Variants in MYO3B observed in about 807,000 individuals in gnomAD.
The protein encoded by MYO3B is myosin-IIIb.
A neutral mutation model predicts 174.6 loss-of-function variants in MYO3B; 156 were observed. That is an observed-to-expected ratio of 0.89 (90% CI 0.78 to 1.02). The LOEUF is 1.02. MYO3B is among the 50% of genes least tolerant of loss of function. The pLI, the probability that MYO3B is intolerant of heterozygous loss-of-function variation, is 0.00. For missense variants in MYO3B, 1,632 were observed against 1,639.4 expected, an observed-to-expected ratio of 1.00 and a Z score of 0.08; for synonymous variants, 563 against 569.1, an observed-to-expected ratio of 0.99 and a Z score of 0.15.
intron 25 of MYO3B, among the ~76,000 whole-genome samples, chr2:170,473,745 A>G (rs944318447): frequency 1.4e-4 from 21 of 152,320 alleles, no homozygotes; most frequent in African/African-American, 4.8e-4. Context: ...TCCCTTCTCT[A>G]TAACAAAAAT....
chr2:170,252,207 G>A (rs78134221), intron 7 of MYO3B, among the ~76,000 whole-genome samples: 171 of 152,210 alleles, frequency 1.1e-3, no homozygotes, highest in Non-Finnish European at 2.0e-3. Context: ...CAGTTCACAT[G>A]TTATCACTTC....
At chr2:170,295,125 A>G (rs1389924722) in intron 7 of MYO3B, among the ~76,000 whole-genome samples, 1 of 151,684 alleles carries the variant, frequency 6.6e-6, no homozygotes, top group Non-Finnish European at 1.5e-5. Flanking sequence ...TATTTGTCTT[A>G]TATCTTATTA....
intron 22 of MYO3B, among the ~76,000 whole-genome samples, chr2:170,413,754 C>T (rs1472703794): frequency 6.6e-6 from 1 of 151,208 alleles, no homozygotes; most frequent in African/African-American, 2.4e-5. Flanking sequence ...AATAACTATC[C>T]TTAGGCCGGG....
intron 7 of MYO3B, among the ~76,000 whole-genome samples, chr2:170,258,728 G>A (rs956126654): frequency 6.6e-6 from 1 of 152,030 alleles, no homozygotes; most frequent in Non-Finnish European, 1.5e-5. Flanking sequence ...AGGAGAAAAC[G>A]AAATAAAAGG....
intron 32 of MYO3B, chr2:170,640,682 T>C (rs1213028229): frequency 1.3e-5 from 2 of 152,232 alleles, no homozygotes. Context: ...TAGTATGTCT[T>C]AAATTCCTCT....
At chr2:170,579,045 C>T (rs1398523916) in intron 32 of MYO3B, among the ~76,000 whole-genome samples, 1 of 152,090 alleles carries the variant, frequency 6.6e-6, no homozygotes, top group East Asian at 1.9e-4. Flanking sequence ...GTGCACATCG[C>T]CATAGAAACA....
rs1276332978 is a variant in MYO3B, at chr2:170,265,554, GC to G, written c.749+29419del. ...CAGGCTAGGTCAGGGCATGTGGCAG[GC>G]ATGGGCCAAGACACAAAGTTGTTGT... On this transcript the variant is annotated intron_variant, in intron 7 of 34. Transcript: ENST00000408978. Among the ~76,000 whole-genome samples, 3 of 152,324 alleles carry G rather than the reference GC, an allele frequency of 2.0e-5. No individual in the cohort carries two copies. In the East Asian group the frequency reaches 5.8e-4, roughly 29 times the overall value.
chr2:170,524,253 G>A (rs1688863400), intron 30 of MYO3B, among the ~76,000 whole-genome samples: 1 of 152,158 alleles, frequency 6.6e-6, no homozygotes, highest in South Asian at 2.1e-4. Flanking sequence ...TGAACCTGGG[G>A]AAAGCTAAGG....
chr2:170,461,202 A>C (rs1684257669), intron 23 of MYO3B, among the ~76,000 whole-genome samples: 1 of 152,066 alleles, frequency 6.6e-6, no homozygotes, highest in South Asian at 2.1e-4. Context: ...AGGCCGGGTG[A>C]GGTGACTCAC....
At chr2:170,568,943 ATG>A (rs1692245084) in intron 32 of MYO3B, among the ~76,000 whole-genome samples, 1 of 152,186 alleles carries the variant, frequency 6.6e-6, no homozygotes, top group Non-Finnish European at 1.5e-5. Flanking sequence ...ACTTGGTGAC[ATG>A]TGTGTCCTAT....
intron 19 of MYO3B, 118 bp downstream of exon 19, chr2:170,403,113 G>A (rs563897470): frequency 1.0e-6 from 1 of 970,956 alleles, no homozygotes; most frequent in East Asian, 2.7e-5. Flanking sequence ...GAGAAAATAG[G>A]GTAAGGCAGT....
chr2:170,252,260 G>A (rs1482213042), intron 7 of MYO3B, among the ~76,000 whole-genome samples: 2 of 152,108 alleles, frequency 1.3e-5, no homozygotes, highest in Admixed American at 6.5e-5. Flanking sequence ...TACTAAATAT[G>A]TATATCTACA....
chr2:170,205,550 A>C (rs1355690015), intron 3 of MYO3B, among the ~76,000 whole-genome samples: 3 of 152,084 alleles, frequency 2.0e-5, no homozygotes, highest in African/African-American at 4.8e-5. Flanking sequence ...AGAGGAGCAA[A>C]GACTATTGAT....
chr2:170,462,617 C>T (rs1372531439), intron 23 of MYO3B, among the ~76,000 whole-genome samples: 1 of 152,274 alleles, frequency 6.6e-6, no homozygotes, highest in African/African-American at 2.4e-5. Flanking sequence ...GCTTTATACC[C>T]TTGCCACCTG....
At chr2:170,458,839 C>T (rs1396984593) in intron 23 of MYO3B, among the ~76,000 whole-genome samples, 1 of 152,184 alleles carries the variant, frequency 6.6e-6, no homozygotes. Context: ...TACAAGAGAT[C>T]CCTCACCAAC....
At chr2:170,352,496 A>G (rs182755361) in intron 8 of MYO3B, among the ~76,000 whole-genome samples, 1 of 152,334 alleles carries the variant, frequency 6.6e-6, no homozygotes, top group Admixed American at 6.5e-5. Flanking sequence ...TTCTATCTAT[A>G]TGACCATGCT....
At chr2:170,219,285 C>G (rs1290083852) in intron 6 of MYO3B, among the ~76,000 whole-genome samples, 1 of 152,218 alleles carries the variant, frequency 6.6e-6, no homozygotes, top group Non-Finnish European at 1.5e-5. Context: ...GGACTCAGGT[C>G]TGCCAGGGAC....
intron 7 of MYO3B, among the ~76,000 whole-genome samples, chr2:170,248,921 T>G (rs1405009720): frequency 9.2e-5 from 14 of 152,222 alleles, no homozygotes; most frequent in Admixed American, 9.2e-4. Flanking sequence ...TGCCCAAGAA[T>G]TTTTAGAAAC....
At chr2:170,439,748 C>G (rs1335641024) in intron 22 of MYO3B, among the ~76,000 whole-genome samples, 2 of 152,016 alleles carry the variant, frequency 1.3e-5, no homozygotes, top group Non-Finnish European at 2.9e-5. Context: ...TGGTGCTATC[C>G]CTGTTCACTG....
Sources: allele counts gnomAD v4.1 joint callset (sites outside exome capture counted in the v4.1 genomes callset), GRCh38; gene constraint gnomAD v4.1.1; transcripts MANE v1.5; gene names NCBI Gene and HGNC (gene_info 2026-07-23, HGNC 2026-07-21).